CHRNA2: variants seen among roughly 807,000 people sequenced by gnomAD.
CHRNA2 encodes the protein cholinergic receptor nicotinic alpha 2 subunit.
Under a neutral mutation model 45.5 loss-of-function variants are expected in CHRNA2, and 40 were observed. That is an observed-to-expected ratio of 0.88 (90% confidence interval 0.68 to 1.15). The LOEUF is 1.15. Among genes scored for constraint, CHRNA2 ranks in the 50% most tolerant of loss-of-function variants. The pLI is 0.00. For synonymous variants in CHRNA2, 301 were observed against 296.7 expected (o/e 1.01, Z -0.15); for missense variants, 655 against 701.7 (o/e 0.93, Z 0.75).
At position 27,467,217 on chromosome 8, in the gene CHRNA2, A is replaced by T; in HGVS notation, c.449+12T>A. 6.2e-7 allele frequency: 1 copy of T among 1,604,130 alleles called. No homozygotes were observed. Among genetic ancestry groups the T allele is most frequent in the Non-Finnish European group, 8.5e-7 (1 of 1,170,962 alleles). The stretch of plus-strand genomic sequence containing the variant: ...CTCCCCTCATCCCCCCAGGACCCCA[A>T]TGGCTTCCTACTTGTTGTAGAGAAC... On this transcript the variant is annotated intron_variant, in intron 5 of 6. Coordinates refer to ENST00000407991, the MANE Select transcript of CHRNA2 (RefSeq NM_000742.4).
In CHRNA2 at chr8:27,463,574, G is replaced by A. The variant is rs767619637; in HGVS notation, c.869C>T (p.Pro290Leu). ...SCLTVLVFYLPSDCGEKITLC... is the reference protein window; with the variant it reads ...SCLTVLVFYLLSDCGEKITLC... ...CGTGATCTTCTCGCCGCAGTCGGAGGGCAGGTAGAAGACCAGCACAGTGAG... is the reference window on the plus strand; with the variant it reads ...CGTGATCTTCTCGCCGCAGTCGGAGAGCAGGTAGAAGACCAGCACAGTGAG... Residue 290 changes from proline to leucine, a missense_variant, in exon 6 of 7, where the codon CCC becomes CTC. Physicochemically the swap from Pro to Leu is moderately conservative, Grantham distance 98. Transcript: ENST00000407991. This position sits in a 1 kb window ranked among gnomAD's most constrained non-coding sequence, Gnocchi z 6.1. 12 of 1,614,230 alleles carry A rather than the reference G, an allele frequency of 7.4e-6. No homozygotes were observed. The Admixed American group carries it at 1.8e-4, about 25-fold the overall frequency.
rs1057137 is a variant in CHRNA2 at position 27,459,928 on chromosome 8, G to T, written c.*1701C>A. The T allele has an allele frequency of 0.42, 64,305 of 152,556 alleles. 14,380 individuals are homozygous for T. The highest frequency in any genetic ancestry group is 0.57 in the African/African-American group (23,515 of 41,410). The allele number at this position is 152,556 out of a possible 1,614,324, so 9.5% of individuals were successfully genotyped here. Reference sequence around the variant, plus strand: ...AAGTGGGAGGAGAGGGGGCGCTGGGGGCTGCATGCACACGAGTAGACAGGA... The same window carrying T: ...AAGTGGGAGGAGAGGGGGCGCTGGGTGCTGCATGCACACGAGTAGACAGGA... On this transcript the variant is annotated 3_prime_UTR_variant, in exon 7 of 7. Coordinates refer to ENST00000407991, the MANE Select transcript of CHRNA2 (RefSeq NM_000742.4).
intron 2 of CHRNA2, among the ~76,000 whole-genome samples, chr8:27,470,569 C>A (rs1812848961): frequency 1.3e-5 from 2 of 152,242 alleles, no homozygotes; most frequent in African/African-American, 4.8e-5. Context: ...AACAGCTTCA[C>A]CCCTTCAGGG....
intron 4 of CHRNA2, among the ~76,000 whole-genome samples, chr8:27,468,970 G>A (rs1009812527): frequency 6.6e-6 from 1 of 152,210 alleles, no homozygotes; most frequent in African/African-American, 2.4e-5. Flanking sequence ...CCCTTTTCCA[G>A]CCCAGCTTCT....
chr8:27,469,785 C>G lies in CHRNA2; in HGVS notation c.270G>C (p.Leu90=). Reference sequence around the variant, plus strand: ...CCACATCGATGAGCTGAGCGATGGACAGTCCAAAGCGCACAATCACCACGT... The same window carrying G: ...CCACATCGATGAGCTGAGCGATGGAGAGTCCAAAGCGCACAATCACCACGT... ...TSDVVIVRFG[L]SIAQLIDVDE... Residue 90 remains leucine (L), a synonymous_variant, in exon 3 of 7, where the codon CTG becomes CTC. Coordinates refer to ENST00000407991, the MANE Select transcript of CHRNA2 (RefSeq NM_000742.4). The G allele has an allele frequency of 6.2e-7, 1 of 1,614,198 alleles. No individual in the cohort carries two copies. Among genetic ancestry groups the G allele is most frequent in the African/African-American group, 1.3e-5 (1 of 75,058 alleles).
rs768575325 is a variant in CHRNA2 at position 27,463,900 on chromosome 8, G to C, written c.543C>G (p.Ser181Arg). 3.7e-6 allele frequency: 6 copies of C among 1,614,108 alleles called. No homozygotes were observed. Among genetic ancestry groups the C allele is most frequent in the Non-Finnish European group, 4.2e-6 (5 of 1,180,052 alleles). The change falls in exon 6 of 7, where the codon AGC (serine) becomes AGG (arginine). Residue 181 changes from serine to arginine, a missense_variant. Ser to Arg is a moderately radical substitution (Grantham distance 110, BLOSUM62 -1). Coordinates refer to ENST00000407991, the MANE Select transcript of CHRNA2 (RefSeq NM_000742.4). The surrounding 1 kb of genome is among the most constrained non-coding windows in gnomAD (Gnocchi z 6.1). ...VHWVPPAIYKSSCSIDVTFFP... is the reference protein window; with the variant it reads ...VHWVPPAIYKRSCSIDVTFFP... The stretch of plus-strand genomic sequence containing the variant: ...AGAAGGTGACGTCGATGCTGCAGGA[G>C]CTCTTGTAGATGGCCGGGGGCACCC...
rs202127295 is a variant in CHRNA2 at position 27,463,577 on chromosome 8, A to T, written c.866T>A (p.Leu289Gln). 4 of 1,614,212 alleles carry T rather than the reference A, an allele frequency of 2.5e-6. No homozygotes were observed. Among genetic ancestry groups the T allele is most frequent in the Non-Finnish European group, 3.4e-6 (4 of 1,180,026 alleles). Reference sequence around the variant, plus strand: ...GATCTTCTCGCCGCAGTCGGAGGGCAGGTAGAAGACCAGCACAGTGAGGCA... The same window carrying T: ...GATCTTCTCGCCGCAGTCGGAGGGCTGGTAGAAGACCAGCACAGTGAGGCA... Reference protein sequence around the residue: ...ISCLTVLVFYLPSDCGEKITL... With the variant: ...ISCLTVLVFYQPSDCGEKITL... The change falls in exon 6 of 7, where the codon CTG becomes CAG. Residue 289 changes from leucine to glutamine, a missense_variant. Transcript: ENST00000407991. The surrounding 1 kb of genome is among the most constrained non-coding windows in gnomAD (Gnocchi z 6.1).
At chr8:27,469,282 G>A (rs756788513) in intron 4 of CHRNA2, 53 bp downstream of exon 4, 1 of 1,516,542 alleles carries the variant, frequency 6.6e-7, no homozygotes. Flanking sequence ...AGGGGTCTGG[G>A]GTCCATGGAT....
At chr8:27,464,448 C>T (rs148648870) in intron 5 of CHRNA2, among the ~76,000 whole-genome samples, 7 of 152,160 alleles carry the variant, frequency 4.6e-5, no homozygotes, top group African/African-American at 1.4e-4. Flanking sequence ...AGGCCAGCCA[C>T]GCCACGGGGG....
At position 27,470,994 on chromosome 8, in the gene CHRNA2, G is replaced by A. The variant is rs2472553; in HGVS notation, c.65C>T (p.Thr22Ile). The A allele has an allele frequency of 0.15, 235,542 of 1,613,474 alleles. 19,915 individuals carry two copies. The highest frequency in any genetic ancestry group is 0.44 in the East Asian group (19,874 of 44,834). Reference protein sequence around the residue: ...TKLSLWWLLLTPAGGEEAKRP... With the variant: ...TKLSLWWLLLIPAGGEEAKRP... ...AGGTGACAAACACTCACCTGCTGGG[G>A]TCAGAAGGAGCCACCACAGGCTGAG... Residue 22 changes from threonine (T) to isoleucine (I), a missense_variant, in exon 2 of 7, where the codon ACC (threonine) becomes ATC (isoleucine). By Grantham distance (89) the Thr-to-Ile change is moderately conservative. Around this residue, in one of 3 missense-constraint regions of CHRNA2, gnomAD observed 323 missense variants for 354.4 expected, o/e 0.91. Transcript: ENST00000407991.
chr8:27,470,143 T>C, intron 2 of CHRNA2, 162 bp from the exon 3 acceptor site: 1 of 710,984 alleles, frequency 1.4e-6, no homozygotes, highest in South Asian at 1.6e-5. Flanking sequence ...GGGTCGGAGC[T>C]CAGGAAAGGT....
chr8:27,461,824 C>T (rs954355898), intron 6 of CHRNA2, 70 bp from the exon 7 acceptor site: 5 of 1,609,514 alleles, frequency 3.1e-6, no homozygotes, highest in South Asian at 1.1e-5. Flanking sequence ...CCATTCACAG[C>T]CCCTGCACAG....
At chr8:27,473,194 C>G (rs1586403814) in intron 1 of CHRNA2, among the ~76,000 whole-genome samples, 1 of 152,028 alleles carries the variant, frequency 6.6e-6, no homozygotes, top group Non-Finnish European at 1.5e-5. Flanking sequence ...CGGGACACAT[C>G]GTGTATGTGG....
intron 1 of CHRNA2, 65 bp from the exon 2 acceptor site, chr8:27,471,259 T>C: frequency 1.8e-6 from 1 of 569,382 alleles, no homozygotes; most frequent in Non-Finnish European, 3.2e-6. Context: ...TTTCTGTTTC[T>C]CATGCTCCAC....
chr8:27,463,801 C>T lies in CHRNA2; in HGVS notation c.642G>A (p.Glu214=). Residue 214 remains glutamate (E), a synonymous_variant, in exon 6 of 7, where the codon GAG becomes GAA. Coordinates refer to ENST00000407991, the MANE Select transcript of CHRNA2 (RefSeq NM_000742.4). The surrounding 1 kb of genome is among the most constrained non-coding windows in gnomAD (Gnocchi z 6.1). ...TCAGGTCCACAGTCTGCTCCATCTG[C>T]TCCAGGTCGATCTTGGCCTTGTCAT... is the stretch of plus-strand genomic sequence containing the variant. The part of the protein sequence containing the change: ...WTYDKAKIDL[E]QMEQTVDLKD... 6.2e-7 allele frequency: 1 copy of T among 1,614,182 alleles called. No individual in the cohort carries two copies. The highest frequency in any genetic ancestry group is 8.5e-7 in the Non-Finnish European group (1 of 1,180,036).
chr8:27,466,134 C>T (rs1812692150), intron 5 of CHRNA2, among the ~76,000 whole-genome samples: 2 of 152,048 alleles, frequency 1.3e-5, no homozygotes, highest in Admixed American at 6.6e-5. Flanking sequence ...ACACTAGGCA[C>T]CTGCTGTGTG....
intron 2 of CHRNA2, 24 bp downstream of exon 2, chr8:27,470,962 C>T (rs1485026761): frequency 1.9e-6 from 3 of 1,612,120 alleles, no homozygotes; most frequent in African/African-American, 2.7e-5. Flanking sequence ...TGAAGTCTTA[C>T]AATGACAGGT....
At chr8:27,462,112 C>T (rs980438896) in intron 6 of CHRNA2, among the ~76,000 whole-genome samples, 3 of 152,232 alleles carry the variant, frequency 2.0e-5, no homozygotes, top group African/African-American at 7.2e-5. Flanking sequence ...TTCAATGCAA[C>T]ACCAGACTTT....
Position 27,463,764 on chromosome 8 carries a change from C to G in CHRNA2, c.679G>C (p.Glu227Gln). The G allele has an allele frequency of 1.2e-6, 2 of 1,614,102 alleles. No individual in the cohort carries two copies. The highest frequency in any genetic ancestry group is 1.7e-6 in the Non-Finnish European group (2 of 1,180,002). ...TTGACGATGGCCCACTCGCCGCTCT[C>G]CCAGTAGTCCTTCAGGTCCACAGTC... ...EQTVDLKDYW[E>Q]SGEWAIVNAT... The change falls in exon 6 of 7, where the codon GAG becomes CAG. Residue 227 changes from glutamate to glutamine, a missense_variant. Physicochemically the swap from Glu to Gln is conservative, Grantham distance 29. This residue lies in a region of CHRNA2 where 323 missense variants were observed against 354.4 expected (regional missense o/e 0.91). Transcript: ENST00000407991. The surrounding 1 kb of genome is among the most constrained non-coding windows in gnomAD (Gnocchi z 6.1).
Sources: gnomAD v4.1 joint callset for allele counts (sites outside exome capture counted in the v4.1 genomes callset) on GRCh38, gnomAD v4.1.1 for gene constraint, gnomAD v4.1.1 regional missense constraint, Gnocchi (gnomAD v3.1) non-coding constraint, MANE v1.5 for transcripts, NCBI Gene and HGNC (gene_info 2026-07-23, HGNC 2026-07-21) for gene names.